Variants in GCN1 observed in about 807,000 individuals in gnomAD.
GCN1 encodes GCN1 activator of EIF2AK4.
GCN1 carries 90 observed loss-of-function variants against 288.4 expected under a neutral mutation model. That is an observed-to-expected ratio of 0.31 (90% CI 0.26 to 0.37). The LOEUF (loss-of-function observed/expected upper bound fraction) is 0.37. Among genes scored for constraint, GCN1 ranks in the 10% least tolerant of loss-of-function variants. The probability of loss-of-function intolerance (pLI) is 1.00; values close to 1 mark genes in which losing one functional copy is unlikely to be tolerated. For synonymous variants in GCN1, 1,386 were observed against 1,420.2 expected, an observed-to-expected ratio of 0.98 and a Z score of 0.54; for missense variants, 2,586 against 3,419.9, an observed-to-expected ratio of 0.76 and a Z score of 6.08.
rs568435329 is a variant in GCN1, at chr12:120,129,259, G to GC, written c.7890+16dup. ...AATGCTCACAGCACATCCTGGTGAG[G>GC]CCCCCCAGGCTCCCACCTGAAACAC... On this transcript the variant is annotated intron_variant, in intron 57 of 57. Transcript: ENST00000300648. 33 of 1,566,000 alleles carry GC rather than the reference G, an allele frequency of 2.1e-5. No homozygotes were observed. In the Admixed American group the frequency reaches 3.5e-4, roughly 17 times the overall value.
intron 55 of GCN1, 90 bp downstream of exon 55, chr12:120,131,095 C>T: frequency 8.5e-7 from 1 of 1,180,366 alleles, no homozygotes; most frequent in Non-Finnish European, 1.2e-6. Flanking sequence ...GCTTCTTAAG[C>T]CCCAGTCTGG....
intron 7 of GCN1, among the ~76,000 whole-genome samples, chr12:120,178,284 A>G (rs1408843834): frequency 6.6e-6 from 1 of 152,216 alleles, no homozygotes; most frequent in Non-Finnish European, 1.5e-5. Flanking sequence ...TCTCAGACTC[A>G]GTTCCATGGG....
intron 14 of GCN1, among the ~76,000 whole-genome samples, chr12:120,171,564 C>A (rs191304648): frequency 2.4e-4 from 37 of 152,240 alleles, no homozygotes; most frequent in African/African-American, 8.9e-4. Flanking sequence ...ATGGGTACAT[C>A]AGAACATTTC....
At chr12:120,157,076 C>G (rs1246713192) in intron 26 of GCN1, 84 bp from the exon 27 acceptor site, 2 of 833,756 alleles carry the variant, frequency 2.4e-6, no homozygotes, top group Non-Finnish European at 4.1e-6. Flanking sequence ...ATCCTCTCAC[C>G]CACGGGGGAA....
intron 14 of GCN1, among the ~76,000 whole-genome samples, chr12:120,171,584 G>A (rs1458645870): frequency 6.6e-6 from 1 of 152,120 alleles, no homozygotes; most frequent in African/African-American, 2.4e-5. Context: ...CACAATGAAA[G>A]CAGTTTCCCA....
In GCN1 at chr12:120,158,129, C is replaced by T. The variant is rs1877812014; in HGVS notation, c.2906-99G>A. ...TCAGGGAAAGTAGGGAACGGATGGA[C>T]CAGAGGCCCGTTCTGACACCTGGAA... On this transcript the variant is annotated intron_variant, in intron 25 of 57. Transcript: ENST00000300648. The surrounding 1 kb of genome is among the most constrained non-coding windows in gnomAD (Gnocchi z 4.3). 8.3e-6 allele frequency: 10 copies of T among 1,202,332 alleles called. No individual in the cohort carries two copies. In the East Asian group the frequency reaches 2.4e-4, roughly 29 times the overall value. The allele number at this position is 1,202,332 out of a possible 1,614,324, so 74.5% of individuals were successfully genotyped here.
At chr12:120,133,352 C>T (rs186372206) in intron 53 of GCN1, among the ~76,000 whole-genome samples, 1 of 152,334 alleles carries the variant, frequency 6.6e-6, no homozygotes, top group Non-Finnish European at 1.5e-5. Flanking sequence ...ACTCAACTCC[C>T]TACTGGCCCC....
rs1288349918 is a variant in GCN1 at position 120,164,355 on chromosome 12, G to C, written c.1829C>G (p.Thr610Ser). Residue 610 changes from threonine (T) to serine (S), a missense_variant, in exon 18 of 58, where the codon ACT becomes AGT. Physicochemically the swap from Thr to Ser is moderately conservative, Grantham distance 58. Transcript: ENST00000300648. Reference sequence around the variant, plus strand: ...CCTCACCTTGTGAGAACTGAGGACAGTCTTCAGCTCCTCCAAGAGTCCGTG... The same window carrying C: ...CCTCACCTTGTGAGAACTGAGGACACTCTTCAGCTCCTCCAAGAGTCCGTG... ...LAHGLLEELK[T>S]VLSSHKVLPL... is the part of the protein sequence containing the mutation. 6.2e-7 allele frequency: 1 copy of C among 1,614,168 alleles called. No homozygotes were observed. The highest frequency in any genetic ancestry group is 1.1e-5 in the South Asian group (1 of 91,090).
intron 37 of GCN1, 139 bp downstream of exon 37, chr12:120,148,028 C>T (rs1013068670): frequency 1.6e-6 from 1 of 634,042 alleles, no homozygotes; most frequent in African/African-American, 1.8e-5. Context: ...GCCAATGACT[C>T]AGTGTCCCTA....
intron 15 of GCN1, among the ~76,000 whole-genome samples, chr12:120,169,328 C>T (rs1483702255): frequency 1.4e-5 from 2 of 138,182 alleles, no homozygotes; most frequent in Non-Finnish European, 3.2e-5. Context: ...GCCTGAAATA[C>T]GATGTAGCCA....
intron 1 of GCN1, among the ~76,000 whole-genome samples, chr12:120,192,454 G>A (rs985436923): frequency 3.9e-5 from 6 of 152,158 alleles, no homozygotes; most frequent in Non-Finnish European, 8.8e-5. Flanking sequence ...AAGGCTGGGT[G>A]CAGTGGCTCA....
At position 120,175,195 on chromosome 12, in the gene GCN1, T is replaced by C; in HGVS notation, c.1060A>G (p.Thr354Ala). The C allele has an allele frequency of 6.2e-7, 1 of 1,611,448 alleles. No homozygotes were observed. Among genetic ancestry groups the C allele is most frequent in the Non-Finnish European group, 8.5e-7 (1 of 1,179,284 alleles). ...AILGGSEGKL[T>A]VVAQKMSVLS... ...ACGCTCATCTTCTGGGCTACAACAG[T>C]TAGTTTTCCTTCCGAGCCTGAGAAG... Residue 354 changes from threonine to alanine, a missense_variant, in exon 12 of 58, where the codon ACT becomes GCT. Around this residue, in one of 8 missense-constraint regions of GCN1, gnomAD observed 913 missense variants for 1,107.0 expected, o/e 0.82. Coordinates refer to ENST00000300648, the MANE Select transcript of GCN1 (RefSeq NM_006836.2).
In GCN1 at chr12:120,158,366, G is replaced by A; in HGVS notation, c.2905+94C>T. On this transcript the variant is annotated intron_variant, in intron 25 of 57. Coordinates refer to ENST00000300648, the MANE Select transcript of GCN1 (RefSeq NM_006836.2). The surrounding 1 kb of genome is among the most constrained non-coding windows in gnomAD (Gnocchi z 4.3). Reference sequence around the variant, plus strand: ...ATCCTCCATATGGTCCAATCCCCCAGGCTCAGGAGGCCCTGGGTGACGCTG... The same window carrying A: ...ATCCTCCATATGGTCCAATCCCCCAAGCTCAGGAGGCCCTGGGTGACGCTG... 1.9e-6 allele frequency: 2 copies of A among 1,078,110 alleles called. No individual in the cohort carries two copies. Among genetic ancestry groups the A allele is most frequent in the Non-Finnish European group, 1.3e-6 (1 of 762,464 alleles). 66.8% of individuals were successfully genotyped at this position (1,078,110 alleles called of 1,614,324 possible).
rs369921904 is a variant in GCN1 at position 120,149,754 on chromosome 12, C to G, written c.4432-34G>C. On this transcript the variant is annotated intron_variant, in intron 35 of 57. Transcript: ENST00000300648. ...GGGAGAAAACACATTCAGGGGCCTC[C>G]TCACCCAAGCAAGGGGCAAGGCCTG... is the stretch of plus-strand genomic sequence containing the variant. 3.8e-6 allele frequency: 6 copies of G among 1,579,576 alleles called. No homozygotes were observed. In the African/African-American group the frequency reaches 6.7e-5, roughly 18 times the overall value.
At chr12:120,189,219 T>C (rs1383232432) in intron 2 of GCN1, among the ~76,000 whole-genome samples, 2 of 150,676 alleles carry the variant, frequency 1.3e-5, no homozygotes, top group African/African-American at 4.9e-5. Context: ...ATTACAGGCG[T>C]GCGTCACCAT....
chr12:120,164,759 T>C (rs1878046507), intron 16 of GCN1, 38 bp from the exon 17 acceptor site: 1 of 1,379,858 alleles, frequency 7.2e-7, no homozygotes, highest in East Asian at 2.3e-5. Flanking sequence ...GTTTTTAAAA[T>C]AGTTAAGTGT....
At position 120,158,438 on chromosome 12, in the gene GCN1, CT is replaced by C. The variant is rs1483011510; in HGVS notation, c.2905+21del. The C allele has an allele frequency of 3.3e-6, 5 of 1,534,236 alleles. No individual in the cohort carries two copies. Among genetic ancestry groups the C allele is most frequent in the Non-Finnish European group, 3.5e-6 (4 of 1,137,972 alleles). On this transcript the variant is annotated intron_variant, in intron 25 of 57. Coordinates refer to ENST00000300648, the MANE Select transcript of GCN1 (RefSeq NM_006836.2). This position sits in a 1 kb window ranked among gnomAD's most constrained non-coding sequence, Gnocchi z 4.3. ...CACCAGCTCACACCGCCTGGTGCCC[CT>C]GATCCCGTCCCAGCCCTTACCTGGC...
chr12:120,136,770 C>A (rs760382222), intron 50 of GCN1, 38 bp from the exon 51 acceptor site: 1 of 1,503,708 alleles, frequency 6.7e-7, no homozygotes, highest in Non-Finnish European at 9.2e-7. Context: ...AAATCTCAAA[C>A]ACCCTGGGCC....
intron 1 of GCN1, among the ~76,000 whole-genome samples, 190 bp from the exon 2 acceptor site, chr12:120,190,590 C>A (rs933821513): frequency 6.6e-6 from 1 of 152,100 alleles, no homozygotes; most frequent in Non-Finnish European, 1.5e-5. Flanking sequence ...CAGGTCTCTA[C>A]CCACTCGATG....
Sources: allele counts gnomAD v4.1 joint callset (sites outside exome capture counted in the v4.1 genomes callset), GRCh38; gene constraint gnomAD v4.1.1; regional missense constraint gnomAD v4.1.1; non-coding constraint Gnocchi (gnomAD v3.1); transcripts MANE v1.5; gene names NCBI Gene and HGNC (gene_info 2026-07-23, HGNC 2026-07-21).